Variants in MAGI2 observed in about 807,000 individuals in gnomAD.
MAGI2 encodes the protein membrane-associated guanylate kinase, WW and PDZ domain-containing protein 2.
In MAGI2, 35 loss-of-function variants were observed where a neutral mutation model predicts 133.3. The observed-to-expected ratio is 0.26, with a 90% CI of 0.20 to 0.35. The LOEUF (loss-of-function observed/expected upper bound fraction) is 0.35. MAGI2 is among the 10% of genes least tolerant of loss of function. The pLI is 1.00. For missense variants in MAGI2, 1,636 were observed against 1,863.4 expected (o/e 0.88, Z 2.25); for synonymous variants, 729 against 710.6 (o/e 1.03, Z -0.41).
At chr7:78,464,485 C>T (rs79936792) in intron 6 of MAGI2, among the ~76,000 whole-genome samples, 2,180 of 152,202 alleles carry the variant, frequency 0.014, 52 homozygotes, top group African/African-American at 0.051. Context: ...CTTTTAAAGG[C>T]TTCTTCCTGA....
chr7:78,693,333 T>C (rs562467506), intron 2 of MAGI2, among the ~76,000 whole-genome samples: 1 of 152,290 alleles, frequency 6.6e-6, no homozygotes, highest in Non-Finnish European at 1.5e-5. Flanking sequence ...TTGTAACTTC[T>C]ATTATTTTCT....
chr7:78,061,104 C>T (rs987682897), intron 21 of MAGI2, among the ~76,000 whole-genome samples: 1 of 151,118 alleles, frequency 6.6e-6, no homozygotes, highest in Non-Finnish European at 1.5e-5. Context: ...GCAGAGATTC[C>T]CCTGAGCCGA....
chr7:79,077,599 AT>A (rs367964651), intron 1 of MAGI2, among the ~76,000 whole-genome samples: 48,714 of 85,570 alleles, frequency 0.57, 18,437 homozygotes, highest in Non-Finnish European at 0.7. Flanking sequence ...AAAAAAATAA[AT>A]AAATAAATAA....
intron 1 of MAGI2, among the ~76,000 whole-genome samples, chr7:79,231,954 T>C (rs1831410979): frequency 3.3e-5 from 5 of 152,172 alleles, no homozygotes; most frequent in Admixed American, 3.3e-4. Context: ...TCTTATTATT[T>C]TGAGATACGT....
intron 1 of MAGI2, among the ~76,000 whole-genome samples, chr7:79,171,551 G>A (rs1254694280): frequency 1.3e-5 from 2 of 150,940 alleles, no homozygotes; most frequent in Admixed American, 1.3e-4. Flanking sequence ...TCAAAAATTA[G>A]TGGAATAAGC....
intron 3 of MAGI2, among the ~76,000 whole-genome samples, chr7:78,574,847 T>C (rs1027495824): frequency 6.6e-6 from 1 of 152,258 alleles, no homozygotes; most frequent in Non-Finnish European, 1.5e-5. Context: ...GGTGAATAAC[T>C]GTTTTGTATG....
At chr7:78,364,512 A>G (rs1278547469) in intron 7 of MAGI2, among the ~76,000 whole-genome samples, 2 of 152,240 alleles carry the variant, frequency 1.3e-5, no homozygotes, top group African/African-American at 2.4e-5. Context: ...ATAATGTTTT[A>G]TAGTAGCAGA....
chr7:78,399,066 T>C (rs984887846), intron 6 of MAGI2, among the ~76,000 whole-genome samples: 1 of 152,210 alleles, frequency 6.6e-6, no homozygotes, highest in Non-Finnish European at 1.5e-5. Context: ...AGAATTAATG[T>C]GTCTAAAAAT....
At chr7:78,268,586 C>T (rs1169460935) in intron 9 of MAGI2, among the ~76,000 whole-genome samples, 1 of 151,948 alleles carries the variant, frequency 6.6e-6, no homozygotes, top group African/African-American at 2.4e-5. Flanking sequence ...GCTGCCATAC[C>T]CCTAGTGGGT....
chr7:78,521,604 G>A lies in MAGI2; in HGVS notation c.580C>T (p.Pro194Ser). ...TGGTCTGTTACATTTAACAATAATG[G>A]TGCTGGTTCTGCTGGCGGCTTTGGG... The part of the protein sequence containing the change: ...GTPKPPAEPA[P>S]LLLNVTDQIL... The change falls in exon 4 of 22, where the codon CCA (proline) becomes TCA (serine). Residue 194 changes from proline to serine, a missense_variant. This residue lies in a region of MAGI2 where 165 missense variants were observed against 128.4 expected (regional missense o/e 1.28). Transcript: ENST00000354212. 6.2e-7 allele frequency: 1 copy of A among 1,614,046 alleles called. No homozygotes were observed. The highest frequency in any genetic ancestry group is 8.5e-7 in the Non-Finnish European group (1 of 1,180,010).
intron 2 of MAGI2, among the ~76,000 whole-genome samples, chr7:78,710,610 C>T (rs752280490): frequency 6.6e-6 from 1 of 152,000 alleles, no homozygotes; most frequent in Non-Finnish European, 1.5e-5. Flanking sequence ...ATTGATGAAC[C>T]GTAGTGATCA....
intron 2 of MAGI2, among the ~76,000 whole-genome samples, chr7:78,778,038 T>C (rs1455487567): frequency 3.3e-5 from 5 of 152,238 alleles, no homozygotes; most frequent in African/African-American, 1.2e-4. Context: ...TGAGCTGCTC[T>C]TTATGGATTT....
chr7:78,885,576 A>G (rs555892764), intron 2 of MAGI2, among the ~76,000 whole-genome samples: 27 of 151,808 alleles, frequency 1.8e-4, no homozygotes, highest in African/African-American at 6.3e-4. Context: ...AACCAGCCCT[A>G]TATCTTAAAG....
intron 2 of MAGI2, among the ~76,000 whole-genome samples, chr7:78,661,241 A>AATT (rs1340993193): frequency 2.0e-3 from 163 of 82,102 alleles, no homozygotes; most frequent in African/African-American, 6.2e-3. Flanking sequence ...CCTAGTCCTC[A>AATT]CTTCTTGCTA....
At chr7:79,235,580 G>A (rs930012108) in intron 1 of MAGI2, among the ~76,000 whole-genome samples, 1 of 152,152 alleles carries the variant, frequency 6.6e-6, no homozygotes, top group Admixed American at 6.5e-5. Context: ...TCACCCCTTT[G>A]TTTGACTCGG....
chr7:79,162,949 C>A (rs1047798511), intron 1 of MAGI2, among the ~76,000 whole-genome samples: 2 of 151,938 alleles, frequency 1.3e-5, no homozygotes, highest in Non-Finnish European at 2.9e-5. Flanking sequence ...CACATCCATT[C>A]CTATCTGGCC....
intron 6 of MAGI2, among the ~76,000 whole-genome samples, chr7:78,402,865 A>T (rs1331808737): frequency 6.6e-6 from 1 of 152,232 alleles, no homozygotes; most frequent in Admixed American, 6.5e-5. Context: ...TCATGCAAAT[A>T]TGTAATATAT....
intron 21 of MAGI2, among the ~76,000 whole-genome samples, chr7:78,032,366 C>A (rs1484916287): frequency 6.6e-6 from 1 of 152,096 alleles, no homozygotes; most frequent in African/African-American, 2.4e-5. Context: ...AGGTATGCGC[C>A]AACACACCTG....
chr7:78,945,561 G>A (rs1801350602), intron 2 of MAGI2, among the ~76,000 whole-genome samples: 1 of 152,092 alleles, frequency 6.6e-6, no homozygotes, highest in African/African-American at 2.4e-5. Flanking sequence ...ATCAACCACA[G>A]TCACCTTGCT....
Sources: gnomAD v4.1 joint callset for allele counts (sites outside exome capture counted in the v4.1 genomes callset) on GRCh38, gnomAD v4.1.1 for gene constraint, gnomAD v4.1.1 regional missense constraint, MANE v1.5 for transcripts, NCBI Gene and HGNC (gene_info 2026-07-23, HGNC 2026-07-21) for gene names.